Variants in CCDC146 observed in about 807,000 individuals in gnomAD.
CCDC146 encodes coiled-coil domain containing 146.
CCDC146 carries 92 observed loss-of-function variants against 119.3 expected under a neutral mutation model. That is an observed-to-expected ratio of 0.77 (90% CI 0.65 to 0.92). CCDC146 has a LOEUF of 0.92. Among genes scored for constraint, CCDC146 ranks in the 40% least tolerant of loss-of-function variants. CCDC146 has a pLI of 0.00. For synonymous variants in CCDC146, 372 were observed against 371.8 expected (o/e 1.00, Z -0.01); for missense variants, 1,000 against 1,103.0 (o/e 0.91, Z 1.32).
chr7:77,133,602 C>T (rs759916593), intron 1 of CCDC146, among the ~76,000 whole-genome samples: 29 of 151,018 alleles, frequency 1.9e-4, no homozygotes, highest in Non-Finnish European at 3.2e-4. Flanking sequence ...CCTCGGCCTC[C>T]CAAAGTTCTG....
intron 2 of CCDC146, among the ~76,000 whole-genome samples, chr7:77,214,847 G>A (rs764267692): frequency 9.2e-5 from 14 of 152,088 alleles, no homozygotes; most frequent in Non-Finnish European, 1.0e-4. Context: ...TTGTAGTATA[G>A]TTTGAATTCA....
chr7:77,183,934 T>C (rs775549191), intron 2 of CCDC146, among the ~76,000 whole-genome samples: 13 of 152,204 alleles, frequency 8.5e-5, no homozygotes, highest in Non-Finnish European at 1.6e-4. Context: ...AATAATCACA[T>C]TACTGCATCA....
chr7:77,207,605 A>G (rs1285766648), intron 2 of CCDC146, among the ~76,000 whole-genome samples: 1 of 152,178 alleles, frequency 6.6e-6, no homozygotes, highest in African/African-American at 2.4e-5. Flanking sequence ...GATCATCTCA[A>G]AAAATAGAAA....
intron 11 of CCDC146, 51 bp downstream of exon 11, chr7:77,274,703 G>A (rs748652121): frequency 8.9e-6 from 13 of 1,454,758 alleles, no homozygotes; most frequent in Middle Eastern, 1.8e-4. Context: ...GTTCAGGGTA[G>A]CCTCATTATA....
At chr7:77,163,443 G>T (rs1791292152) in intron 1 of CCDC146, among the ~76,000 whole-genome samples, 1 of 151,092 alleles carries the variant, frequency 6.6e-6, no homozygotes, top group Non-Finnish European at 1.5e-5. Flanking sequence ...GCAAGACTCT[G>T]TCTCAAAAAA....
chr7:77,271,135 A>G (rs1031442171), intron 9 of CCDC146, among the ~76,000 whole-genome samples: 5 of 151,660 alleles, frequency 3.3e-5, no homozygotes, highest in African/African-American at 1.2e-4. Context: ...GATACAAAGT[A>G]TTGATCCTGG....
At position 77,256,500 on chromosome 7, in the gene CCDC146, C is replaced by T. The variant is rs745586131; in HGVS notation, c.675C>T (p.Val225=). The T allele has an allele frequency of 8.7e-6, 14 of 1,605,196 alleles. No individual in the cohort carries two copies. In the East Asian group the frequency reaches 1.3e-4, roughly 15 times the overall value. Residue 225 remains valine (V), a synonymous_variant, in exon 6 of 19, where the codon GTC becomes GTT. Transcript: ENST00000285871. ...TAGAAGAATTGTTGGGACATCAGGT[C>T]GTCCTAAAGGTGTGCTACTTACCGT... ...KELEELLGHQ[V]VLKDEVAHHQ...
chr7:77,172,336 CTTCCTTCAGT>C (rs1471773081), intron 2 of CCDC146, among the ~76,000 whole-genome samples: 2 of 152,212 alleles, frequency 1.3e-5, no homozygotes, highest in Non-Finnish European at 2.9e-5. Context: ...CCTACTTTGT[CTTCCTTCAGT>C]TGTTTAAACA....
chr7:77,147,441 C>T (rs1235425223), intron 1 of CCDC146, among the ~76,000 whole-genome samples: 7 of 152,344 alleles, frequency 4.6e-5, no homozygotes, highest in East Asian at 1.9e-4. Flanking sequence ...AGCTTTGTTC[C>T]GTTCCTGGCG....
intron 2 of CCDC146, among the ~76,000 whole-genome samples, chr7:77,219,238 CTGTT>C (rs1485659219): frequency 6.6e-6 from 1 of 152,108 alleles, no homozygotes; most frequent in African/African-American, 2.4e-5. Flanking sequence ...GTTTGGTGAA[CTGTT>C]TGTTAGAATC....
At chr7:77,280,298 A>G in intron 13 of CCDC146, 131 bp from the exon 14 acceptor site, 1 of 642,230 alleles carries the variant, frequency 1.6e-6, no homozygotes, top group South Asian at 2.2e-5. Context: ...TATCATTATT[A>G]CTAGTATCAT....
chr7:77,128,759 T>C (rs1487419204), intron 1 of CCDC146, among the ~76,000 whole-genome samples: 1 of 152,138 alleles, frequency 6.6e-6, no homozygotes, highest in Non-Finnish European at 1.5e-5. Flanking sequence ...TCTCTCTGAA[T>C]AGAGGAACTG....
intron 4 of CCDC146, among the ~76,000 whole-genome samples, 158 bp from the exon 5 acceptor site, chr7:77,254,348 C>T (rs1362450330): frequency 1.3e-5 from 2 of 152,192 alleles, no homozygotes; most frequent in East Asian, 3.8e-4. Context: ...CACCCCAATG[C>T]ACCTGTGATT....
intron 4 of CCDC146, among the ~76,000 whole-genome samples, chr7:77,244,365 G>A (rs1390489404): frequency 1.3e-5 from 2 of 152,140 alleles, no homozygotes; most frequent in African/African-American, 4.8e-5. Flanking sequence ...AGTAGTGTAA[G>A]TAATGTCCTA....
intron 2 of CCDC146, among the ~76,000 whole-genome samples, chr7:77,217,329 T>TAC (rs34434670): frequency 0.063 from 9,352 of 149,420 alleles, 375 homozygotes; most frequent in African/African-American, 0.11. Flanking sequence ...TGACATTTTC[T>TAC]ACACACACAC....
chr7:77,254,692 A>G, intron 5 of CCDC146, 129 bp downstream of exon 5: 1 of 526,624 alleles, frequency 1.9e-6, no homozygotes, highest in Non-Finnish European at 3.3e-6. Context: ...TTAACTGTGA[A>G]TGATGCTGAA....
At position 77,287,430 on chromosome 7, in the gene CCDC146, T is replaced by C. The variant is rs913895369; in HGVS notation, c.2278-10T>C. The C allele has an allele frequency of 8.1e-6, 13 of 1,613,336 alleles. No individual in the cohort carries two copies. Among genetic ancestry groups the C allele is most frequent in the Non-Finnish European group, 1.1e-5 (13 of 1,179,762 alleles). ...TTTTTTATTCCTCTTGAACCAATTT[T>C]CAAACATAGCTGGAACTACAACTGG... On this transcript the variant is annotated splice_polypyrimidine_tract_variant and intron_variant, in intron 16 of 18. Transcript: ENST00000285871.
chr7:77,290,718 TA>T (rs11299147), intron 17 of CCDC146, among the ~76,000 whole-genome samples: 36,372 of 151,958 alleles, frequency 0.24, 5,110 homozygotes, highest in African/African-American at 0.39. Flanking sequence ...ACATGCTGCT[TA>T]AAAATTAGTT....
intron 10 of CCDC146, 47 bp downstream of exon 10, chr7:77,273,836 C>A: frequency 7.9e-7 from 1 of 1,263,674 alleles, no homozygotes; most frequent in South Asian, 1.2e-5. Flanking sequence ...AGCGTTCATA[C>A]AAAGTTGTGC....
Sources: gnomAD v4.1 joint callset for allele counts (sites outside exome capture counted in the v4.1 genomes callset) on GRCh38, gnomAD v4.1.1 for gene constraint, MANE v1.5 for transcripts, NCBI Gene and HGNC (gene_info 2026-07-23, HGNC 2026-07-21) for gene names.